RMC1: variants seen among roughly 807,000 people sequenced by gnomAD.
RMC1 encodes the protein regulator of MON1-CCZ1 complex.
RMC1 carries 44 observed loss-of-function variants against 95.5 expected under a neutral mutation model. That is an observed-to-expected ratio of 0.46 (90% CI 0.36 to 0.59). RMC1 has a LOEUF of 0.59. Ranked by LOEUF, RMC1 falls within the 20% of genes least tolerant of loss-of-function variation. The pLI, the probability that RMC1 is intolerant of heterozygous loss-of-function variation, is 0.00. For synonymous variants in RMC1, 320 were observed against 303.6 expected, an observed-to-expected ratio of 1.05 and a Z score of -0.56; for missense variants, 705 against 819.6, an observed-to-expected ratio of 0.86 and a Z score of 1.71.
chr18:23,531,810 C>G lies in RMC1; in HGVS notation c.*106C>G, dbSNP rs888939134. 1 of 1,511,402 alleles carries G rather than the reference C, an allele frequency of 6.6e-7. No homozygotes were observed. Among genetic ancestry groups the G allele is most frequent in the Admixed American group, 2.3e-5 (1 of 43,854 alleles). 93.6% of individuals were successfully genotyped at this position (1,511,402 alleles called of 1,614,324 possible). The stretch of plus-strand genomic sequence containing the variant: ...TTATAAAGTGTATCTACAACCTCAA[C>G]TGTCACTAAAAATATGGTATAGAAC... On this transcript the variant is annotated 3_prime_UTR_variant, in exon 20 of 20. Transcript: ENST00000269221.
At chr18:23,529,085 C>T (rs1598914368) in intron 14 of RMC1, 94 bp from the exon 15 acceptor site, 1 of 1,516,692 alleles carries the variant, frequency 6.6e-7, no homozygotes, top group South Asian at 1.3e-5. Context: ...TATCCTGGGT[C>T]CACATCGAAG....
intron 5 of RMC1, among the ~76,000 whole-genome samples, chr18:23,512,030 T>C (rs1253683984): frequency 2.7e-5 from 4 of 150,588 alleles, no homozygotes; most frequent in Non-Finnish European, 4.4e-5. Context: ...TTTTTTTTTT[T>C]TTTTTTCTGA....
At chr18:23,517,748 C>A (rs1185508961) in intron 7 of RMC1, among the ~76,000 whole-genome samples, 1 of 151,252 alleles carries the variant, frequency 6.6e-6, no homozygotes. Context: ...TGGAGAGTGT[C>A]GCTCTGTTGC....
In RMC1 at chr18:23,517,653, G is replaced by A. The variant is rs1311416968; in HGVS notation, c.653+1230G>A. Among the ~76,000 whole-genome samples the A allele has an allele frequency of 2.0e-5, 3 of 152,198 alleles. No homozygotes were observed. The East Asian group carries it at 5.8e-4, about 29-fold the overall frequency. On this transcript the variant is annotated intron_variant, in intron 7 of 19. Transcript: ENST00000269221. ...GCCCAAACTTTCAAACTTTATGGTAGTTAGTATAATGTTCTTTCATTTCTT... is the reference window on the plus strand; with the variant it reads ...GCCCAAACTTTCAAACTTTATGGTAATTAGTATAATGTTCTTTCATTTCTT...
rs745865912 is a variant in RMC1, at chr18:23,519,188, G to A, written c.849+14G>A. On this transcript the variant is annotated intron_variant, in intron 9 of 19. Coordinates refer to ENST00000269221, the MANE Select transcript of RMC1 (RefSeq NM_013326.5). ...CAGGATACAGAGGTACAAGCTGTCT[G>A]CGTTTCTACCAAAGTTAAGGTTGCT... 7 of 1,606,864 alleles carry A rather than the reference G, an allele frequency of 4.4e-6. No individual in the cohort carries two copies. The highest frequency in any genetic ancestry group is 6.0e-6 in the Non-Finnish European group (7 of 1,173,938).
chr18:23,527,648 C>T lies in RMC1; in HGVS notation c.1190-147C>T, dbSNP rs528502657. 212 of 242,866 alleles carry T rather than the reference C, an allele frequency of 8.7e-4. 2 individuals are homozygous for T. The highest frequency in any genetic ancestry group is 8.5e-3 in the African/African-American group (198 of 23,180). 15.0% of individuals were successfully genotyped at this position (242,866 alleles called of 1,614,324 possible). ...GAAAGGGGTTGCGAATGACATCTAG[C>T]TGTCAGGTCTTTAAAGTAGAGTGTC... On this transcript the variant is annotated intron_variant, in intron 13 of 19. Transcript: ENST00000269221.
chr18:23,520,302 T>A lies in RMC1; in HGVS notation c.950T>A (p.Ile317Asn). ...GCTCGATCGATCCAGCCCTATCAGA[T>A]CCCCATCACAGGTAACACGGGTTCT... Reference protein sequence around the residue: ...LPARSIQPYQIPITGPAAVTS... With the variant: ...LPARSIQPYQNPITGPAAVTS... The change falls in exon 10 of 20, where the codon ATC becomes AAC. Residue 317 changes from isoleucine to asparagine, a missense_variant. Transcript: ENST00000269221. The A allele has an allele frequency of 6.2e-7, 1 of 1,613,484 alleles. No individual in the cohort carries two copies. Among genetic ancestry groups the A allele is most frequent in the Non-Finnish European group, 8.5e-7 (1 of 1,179,446 alleles).
At position 23,530,624 on chromosome 18, in the gene RMC1, A is replaced by G. The variant is rs765775965; in HGVS notation, c.1894+12A>G. ...CAATTTCACACCAGGTGAGAATGCA[A>G]TGAAAAGACTTGGGGTAACCATAGC... On this transcript the variant is annotated intron_variant, in intron 19 of 19. Transcript: ENST00000269221. 8.7e-6 allele frequency: 14 copies of G among 1,610,276 alleles called. No homozygotes were observed. The highest frequency in any genetic ancestry group is 6.7e-5 in the Admixed American group (4 of 59,826).
intron 10 of RMC1, among the ~76,000 whole-genome samples, 156 bp downstream of exon 10, chr18:23,520,469 G>T (rs78414950): frequency 0.021 from 3,185 of 152,100 alleles, 111 homozygotes; most frequent in African/African-American, 0.073. Flanking sequence ...TTCCAGTTTT[G>T]TTGTTGTTTT....
intron 13 of RMC1, 108 bp downstream of exon 13, chr18:23,526,873 A>G: frequency 7.0e-7 from 1 of 1,430,084 alleles, no homozygotes; most frequent in South Asian, 1.4e-5. Context: ...TGTGACCCAC[A>G]GCCTCATTCT....
chr18:23,526,698 AAG>A lies in RMC1; in HGVS notation c.1124_1125del (p.Arg375ThrfsTer25), dbSNP rs750754780. ...PIVNLLPDKG[R>X]LMDFLLQRKE... The stretch of plus-strand genomic sequence containing the variant: ...TAGTAAATCTCTTACCAGACAAAGG[AAG>A]ACTCATGGACTTTCTCCTCCAGAGA... On this transcript the variant is annotated frameshift_variant, in exon 13 of 20. Transcript: ENST00000269221. LOFTEE classifies it high-confidence loss of function. 28 of 1,614,040 alleles carry A rather than the reference AAG, an allele frequency of 1.7e-5. No individual in the cohort carries two copies. Among genetic ancestry groups the A allele is most frequent in the Non-Finnish European group, 2.4e-5 (28 of 1,180,032 alleles).
At chr18:23,527,060 CCACT>C (rs966212915) in intron 13 of RMC1, among the ~76,000 whole-genome samples, 1 of 152,016 alleles carries the variant, frequency 6.6e-6, no homozygotes, top group Admixed American at 6.6e-5. Context: ...AAAATCCAAG[CCACT>C]CACTGCATAT....
At chr18:23,513,688 A>G (rs1480053627) in intron 5 of RMC1, among the ~76,000 whole-genome samples, 1 of 152,128 alleles carries the variant, frequency 6.6e-6, no homozygotes, top group African/African-American at 2.4e-5. Flanking sequence ...GTTTCTCCAT[A>G]TCCTCACCAA....
In RMC1 at chr18:23,503,656, G is replaced by T; in HGVS notation, c.38G>T (p.Arg13Leu). 6.3e-7 allele frequency: 1 copy of T among 1,590,854 alleles called. No homozygotes were observed. Among genetic ancestry groups the T allele is most frequent in the Non-Finnish European group, 8.6e-7 (1 of 1,169,278 alleles). Residue 13 changes from arginine (R) to leucine (L), a missense_variant, in exon 1 of 20, where the codon CGG becomes CTG. Transcript: ENST00000269221. ...GACTACTATCTGGAGCTGTGCGAGC[G>T]GCCGGTGCAGTTCGAGAAGGCGAAC... ...EEDYYLELCE[R>L]PVQFEKANPV...
chr18:23,526,766 G>A lies in RMC1; in HGVS notation c.1189+1G>A. 1.2e-6 allele frequency: 2 copies of A among 1,613,846 alleles called. No homozygotes were observed. The highest frequency in any genetic ancestry group is 1.7e-6 in the Non-Finnish European group (2 of 1,179,886). ...GTCATCCTGTCTGTCTGTTCACAGA[G>A]TAAGTTGAATCCTTCCCCCTTGCTC... On this transcript the variant is annotated splice_donor_variant, in intron 13 of 19. Transcript: ENST00000269221. LOFTEE classifies it high-confidence loss of function.
At position 23,527,817 on chromosome 18, in the gene RMC1, A is replaced by G. The variant is rs377501129; in HGVS notation, c.1212A>G (p.Ala404=). 1.6e-5 allele frequency: 26 copies of G among 1,614,010 alleles called. No individual in the cohort carries two copies. In the African/African-American group the frequency reaches 3.1e-4, roughly 19 times the overall value. ...CSQMLSESDR[A]SLPVIATVFD... ...CAGTGTTAAGTGAGTCAGACAGAGCATCGCTGCCCGTGATAGCCACTGTTT... is the reference window on the plus strand; with the variant it reads ...CAGTGTTAAGTGAGTCAGACAGAGCGTCGCTGCCCGTGATAGCCACTGTTT... The change falls in exon 14 of 20, where the codon GCA becomes GCG. Residue 404 remains alanine (A), a synonymous_variant. Coordinates refer to ENST00000269221, the MANE Select transcript of RMC1 (RefSeq NM_013326.5).
intron 14 of RMC1, 143 bp from the exon 15 acceptor site, chr18:23,529,035 GA>G: frequency 2.2e-6 from 3 of 1,362,956 alleles, no homozygotes; most frequent in Non-Finnish European, 2.9e-6. Flanking sequence ...ATGCGCACAG[GA>G]AAAAGTTGTA....
Position 23,529,316 on chromosome 18 carries a change from G to GC in RMC1, c.1416+20dup. On this transcript the variant is annotated intron_variant, in intron 15 of 19. Transcript: ENST00000269221. Reference sequence around the variant, plus strand: ...AAAAGAAGGTGGGCTGCAGCTTTCCGCCTCTTCTGGACTGAGAATGCTCAA... The same window carrying GC: ...AAAAGAAGGTGGGCTGCAGCTTTCCGCCCTCTTCTGGACTGAGAATGCTCAA... 1 of 1,601,832 alleles carries GC rather than the reference G, an allele frequency of 6.2e-7. No homozygotes were observed. Among genetic ancestry groups the GC allele is most frequent in the Non-Finnish European group, 8.5e-7 (1 of 1,177,104 alleles).
intron 3 of RMC1, 51 bp from the exon 4 acceptor site, chr18:23,507,934 A>G (rs377744030): frequency 8.3e-6 from 13 of 1,561,168 alleles, no homozygotes; most frequent in Admixed American, 1.8e-5. Context: ...GTAGGTTGGC[A>G]GTATGCTGCC....
Sources: gnomAD v4.1 joint callset for allele counts (sites outside exome capture counted in the v4.1 genomes callset) on GRCh38, gnomAD v4.1.1 for gene constraint, MANE v1.5 for transcripts, NCBI Gene and HGNC (gene_info 2026-07-23, HGNC 2026-07-21) for gene names.